Variants in ELAVL4 observed in about 807,000 individuals in gnomAD.
The protein encoded by ELAVL4 is ELAV-like protein 4.
Under a neutral mutation model 35.6 loss-of-function variants are expected in ELAVL4, and 1 was observed. The ratio of observed to expected loss-of-function variants is 0.03; its 90% CI spans 0.01 to 0.13. ELAVL4 has a LOEUF of 0.13. ELAVL4 is among the 10% of genes least tolerant of loss of function. The probability of loss-of-function intolerance (pLI) is 1.00; values close to 1 mark genes in which losing one functional copy is unlikely to be tolerated. For synonymous variants in ELAVL4, 156 were observed against 171.0 expected (o/e 0.91, Z 0.69); for missense variants, 267 against 464.9 (o/e 0.57, Z 3.91).
At chr1:50,091,802 C>T (rs903311795) in intron 1 of ELAVL4, among the ~76,000 whole-genome samples, 2 of 152,146 alleles carry the variant, frequency 1.3e-5, no homozygotes, top group Non-Finnish European at 2.9e-5. Flanking sequence ...AAATCCCCAG[C>T]CATTGTAGTG....
chr1:50,127,255 T>A (rs1214194487), intron 1 of ELAVL4, among the ~76,000 whole-genome samples: 1 of 152,024 alleles, frequency 6.6e-6, no homozygotes, highest in African/African-American at 2.4e-5. Flanking sequence ...TACTGCCTGC[T>A]GGGAGTAAGA....
chr1:50,169,227 G>T lies in ELAVL4; in HGVS notation c.251-7862G>T, dbSNP rs543264599. 5.5e-4 allele frequency among the ~76,000 whole-genome samples: 83 copies of T among 152,124 alleles called. 1 individual carries two copies. The highest frequency in any genetic ancestry group is 1.9e-3 in the African/African-American group (78 of 41,508). ...TCTGCCTGCTTTATATTCACTGGCA[G>T]CTGTTTAGATGGTGCCCACCAGATT... On this transcript the variant is annotated intron_variant, in intron 2 of 6. Coordinates refer to ENST00000371824, the MANE Select transcript of ELAVL4 (RefSeq NM_001144774.3).
intron 1 of ELAVL4, among the ~76,000 whole-genome samples, chr1:50,075,990 G>T (rs949881171): frequency 5.9e-5 from 9 of 152,068 alleles, no homozygotes; most frequent in Admixed American, 2.0e-4. Flanking sequence ...ACCACACCCA[G>T]CTATTTTTTT....
At chr1:50,188,211 C>T (rs540265987) in intron 3 of ELAVL4, among the ~76,000 whole-genome samples, 2 of 152,282 alleles carry the variant, frequency 1.3e-5, no homozygotes, top group East Asian at 3.9e-4. Flanking sequence ...ATGCCATGAA[C>T]TTTTGGGGCC....
intron 2 of ELAVL4, among the ~76,000 whole-genome samples, chr1:50,146,168 A>T (rs948105712): frequency 2.1e-4 from 31 of 149,554 alleles, no homozygotes; most frequent in East Asian, 3.9e-4. Context: ...TTTTTTTTTT[A>T]AAAAGGAAGC....
At position 50,055,699 on chromosome 1, in the gene ELAVL4, C is replaced by T. The variant is rs549017574; in HGVS notation, c.18+7517C>T. The stretch of plus-strand genomic sequence containing the variant: ...TTCAAAATTCTATATAGGCCAGGCA[C>T]GGTGCCTCACGCCTGTAATCCCAGC... On this transcript the variant is annotated intron_variant, in intron 1 of 6. Coordinates refer to the ELAVL4 transcript ENST00000448907. Among the ~76,000 whole-genome samples, 5 of 152,030 alleles carry T rather than the reference C, an allele frequency of 3.3e-5. No individual in the cohort carries two copies. In the South Asian group the frequency reaches 8.4e-4, roughly 25 times the overall value.
At chr1:50,199,128 T>C (rs1644246481) in intron 6 of ELAVL4, among the ~76,000 whole-genome samples, 1 of 152,248 alleles carries the variant, frequency 6.6e-6, no homozygotes, top group East Asian at 1.9e-4. Flanking sequence ...GTTAATTGTT[T>C]TTAAACAAGA....
exon 1 of ELAVL4, chr1:50,048,104 C>A: frequency 6.9e-7 from 1 of 1,458,076 alleles, no homozygotes. Context: ...CGTCTTCCCG[C>A]CCGCCGCGCT....
chr1:50,194,516 A>G (rs1683137251), intron 4 of ELAVL4, among the ~76,000 whole-genome samples: 1 of 152,160 alleles, frequency 6.6e-6, no homozygotes, highest in Admixed American at 6.5e-5. Context: ...GTTTTCGCCT[A>G]CCTCCAATTT....
At chr1:50,094,935 T>C (rs1665657777) in intron 1 of ELAVL4, among the ~76,000 whole-genome samples, 1 of 151,292 alleles carries the variant, frequency 6.6e-6, no homozygotes, top group South Asian at 2.1e-4. Flanking sequence ...ATCTCAAAAA[T>C]AAAAAAATAA....
intron 1 of ELAVL4, among the ~76,000 whole-genome samples, chr1:50,086,693 C>T (rs144314922): frequency 2.0e-5 from 3 of 152,116 alleles, no homozygotes; most frequent in Non-Finnish European, 2.9e-5. Flanking sequence ...CAGAGCTCTT[C>T]TTGCTATGAG....
intron 1 of ELAVL4, among the ~76,000 whole-genome samples, chr1:50,056,040 T>C (rs1488918632): frequency 2.0e-5 from 3 of 152,184 alleles, no homozygotes; most frequent in Admixed American, 6.5e-5. Flanking sequence ...GCTGCTATTA[T>C]AAAAGGGATT....
intron 1 of ELAVL4, among the ~76,000 whole-genome samples, chr1:50,123,010 A>G (rs1669285116): frequency 6.6e-6 from 1 of 152,080 alleles, no homozygotes; most frequent in Admixed American, 6.6e-5. Flanking sequence ...AAAGAGCTGA[A>G]TATCTGGTGA....
intron 1 of ELAVL4, among the ~76,000 whole-genome samples, chr1:50,132,099 G>GT (rs1670957409): frequency 2.0e-5 from 3 of 152,116 alleles, no homozygotes; most frequent in East Asian, 1.9e-4. Flanking sequence ...GATTTTGTTT[G>GT]TTTTTTTCCA....
chr1:50,175,015 T>C (rs986956804), intron 2 of ELAVL4, among the ~76,000 whole-genome samples: 22 of 152,214 alleles, frequency 1.4e-4, no homozygotes, highest in African/African-American at 5.1e-4. Flanking sequence ...GCTGGATAGA[T>C]TGACCATCTG....
rs902567011 is a variant in ELAVL4 at position 50,144,957 on chromosome 1, A to G, written c.10A>G (p.Ile4Val). The change falls in exon 2 of 7, where the codon ATA (isoleucine) becomes GTA (valine). Residue 4 changes from isoleucine (I) to valine (V), a missense_variant and splice_region_variant. Around this residue, in one of 2 missense-constraint regions of ELAVL4, gnomAD observed 51 missense variants for 55.4 expected, o/e 0.92. Transcript: ENST00000371824. ...TTCAATTGTTTTTATTTTTATTTAG[A>G]TAATTAGCACCATGGAGCCTCAGGT... is the stretch of plus-strand genomic sequence containing the variant. Reference protein sequence around the residue: MVMIISTMEPQVSN... With the variant: MVMVISTMEPQVSN... 1.2e-6 allele frequency: 2 copies of G among 1,607,812 alleles called. No individual in the cohort carries two copies. Among genetic ancestry groups the G allele is most frequent in the Non-Finnish European group, 8.5e-7 (1 of 1,178,142 alleles).
At chr1:50,060,508 G>A (rs1250868537) in intron 1 of ELAVL4, among the ~76,000 whole-genome samples, 2 of 152,148 alleles carry the variant, frequency 1.3e-5, no homozygotes, top group Non-Finnish European at 1.5e-5. Context: ...TCACAACTTG[G>A]CTCAGGATCA....
At chr1:50,129,257 A>G (rs1670460465) in intron 1 of ELAVL4, among the ~76,000 whole-genome samples, 1 of 152,042 alleles carries the variant, frequency 6.6e-6, no homozygotes, top group Admixed American at 6.6e-5. Flanking sequence ...GCATTCTGTC[A>G]GTTTAGCTGC....
intron 1 of ELAVL4, among the ~76,000 whole-genome samples, chr1:50,118,039 T>C (rs1199904461): frequency 2.0e-5 from 3 of 152,134 alleles, no homozygotes; most frequent in Non-Finnish European, 4.4e-5. Context: ...TTTTAACCAG[T>C]GCTGTTTTTT....
Sources: gnomAD v4.1 joint callset for allele counts (sites outside exome capture counted in the v4.1 genomes callset) on GRCh38, gnomAD v4.1.1 for gene constraint, gnomAD v4.1.1 regional missense constraint, MANE v1.5 for transcripts, NCBI Gene and HGNC (gene_info 2026-07-23, HGNC 2026-07-21) for gene names.